ZNF728: variants seen among roughly 807,000 people sequenced by gnomAD.
The protein encoded by ZNF728 is zinc finger protein 728.
Under a neutral mutation model 12.5 loss-of-function variants are expected in ZNF728, and 12 were observed. That is an observed-to-expected ratio of 0.96 (90% CI 0.61 to 1.55). ZNF728 has a LOEUF of 1.55. Among genes scored for constraint, ZNF728 ranks in the 40% most tolerant of loss-of-function variants. The probability of loss-of-function intolerance (pLI) is 0.00; values close to 1 mark genes in which losing one functional copy is unlikely to be tolerated. For missense variants in ZNF728, 692 were observed against 719.2 expected (o/e 0.96, Z 0.43); for synonymous variants, 205 against 240.7 (o/e 0.85, Z 1.37).
At chr19:23,000,470 A>C (rs779750811) in intron 1 of ZNF728, among the ~76,000 whole-genome samples, 1 of 152,094 alleles carries the variant, frequency 6.6e-6, no homozygotes, top group Middle Eastern at 3.2e-3. Flanking sequence ...TCAACAAATA[A>C]AATATACAGA....
At chr19:22,989,695 GA>G (rs1968963372) in intron 1 of ZNF728, among the ~76,000 whole-genome samples, 1 of 150,964 alleles carries the variant, frequency 6.6e-6, no homozygotes, top group Admixed American at 6.6e-5. Flanking sequence ...TAGTTTAATG[GA>G]AAGTTCAAGA....
chr19:22,977,204 G>C lies in ZNF728; in HGVS notation c.227-94C>G, dbSNP rs1968816381. 7 of 1,203,304 alleles carry C rather than the reference G, an allele frequency of 5.8e-6. No individual in the cohort carries two copies. The East Asian group carries it at 1.8e-4, about 31-fold the overall frequency. 74.5% of individuals were successfully genotyped at this position (1,203,304 alleles called of 1,614,324 possible). On this transcript the variant is annotated intron_variant, in intron 3 of 3. Transcript: ENST00000594710. ...AAAATTATTCAAACTACATAAGCAA[G>C]ATGACACTGCAGTATGACACAGGCC...
intron 1 of ZNF728, among the ~76,000 whole-genome samples, chr19:22,998,686 C>T (rs1405549255): frequency 6.6e-6 from 1 of 152,058 alleles, no homozygotes; most frequent in East Asian, 1.9e-4. Flanking sequence ...AATATACAAC[C>T]CCCAAAAAGT....
intron 1 of ZNF728, among the ~76,000 whole-genome samples, chr19:22,994,491 T>C (rs1969028151): frequency 6.6e-6 from 1 of 152,188 alleles, no homozygotes; most frequent in Admixed American, 6.5e-5. Context: ...GTGACATGCA[T>C]TACAGTCAAT....
chr19:22,993,814 G>A (rs2145349912), intron 1 of ZNF728, among the ~76,000 whole-genome samples: 1 of 152,250 alleles, frequency 6.6e-6, no homozygotes, highest in Non-Finnish European at 1.5e-5. Context: ...CTGAAAAAAA[G>A]GGAGAAAAAC....
intron 3 of ZNF728, among the ~76,000 whole-genome samples, chr19:22,984,796 G>C (rs1391299111): frequency 1.3e-5 from 2 of 151,782 alleles, no homozygotes; most frequent in Admixed American, 6.6e-5. Flanking sequence ...AAAGTATATA[G>C]AATTTCAAAA....
chr19:22,982,772 T>C (rs1968874319), intron 3 of ZNF728, among the ~76,000 whole-genome samples: 2 of 152,196 alleles, frequency 1.3e-5, no homozygotes, highest in Non-Finnish European at 2.9e-5. Context: ...AACGATTCCC[T>C]ATTTAATAAA....
chr19:22,977,096 A>C lies in ZNF728; in HGVS notation c.241T>G (p.Phe81Val). The C allele has an allele frequency of 1.3e-6, 2 of 1,574,016 alleles. No homozygotes were observed. Among genetic ancestry groups the C allele is most frequent in the Non-Finnish European group, 1.7e-6 (2 of 1,164,688 alleles). The change falls in exon 4 of 4, where the codon TTT (phenylalanine) becomes GTT (valine). Residue 81 changes from phenylalanine (F) to valine (V), a missense_variant. Phe to Val is a conservative substitution (Grantham distance 50). Coordinates refer to ENST00000594710, the MANE Select transcript of ZNF728 (RefSeq NM_001267716.2). ...VKEPPVICSHFAQDLWPEQGR... is the reference protein window; with the variant it reads ...VKEPPVICSHVAQDLWPEQGR... ...TGCTCTGGCCAAAGGTCTTGAGCAAAATGAGAACATATAACTGAAAAGAAA... is the reference window on the plus strand; with the variant it reads ...TGCTCTGGCCAAAGGTCTTGAGCAACATGAGAACATATAACTGAAAAGAAA...
At chr19:22,986,356 G>A (rs113445377) in intron 3 of ZNF728, among the ~76,000 whole-genome samples, 3 of 151,956 alleles carry the variant, frequency 2.0e-5, no homozygotes, top group African/African-American at 7.2e-5. Context: ...ATCATGCAGT[G>A]TTCTCTATAA....
chr19:22,980,684 A>G (rs1320321254), intron 3 of ZNF728, among the ~76,000 whole-genome samples: 2 of 152,182 alleles, frequency 1.3e-5, no homozygotes, highest in East Asian at 3.8e-4. Flanking sequence ...AGTCTCTCAG[A>G]CCACAGTGCA....
intron 3 of ZNF728, among the ~76,000 whole-genome samples, chr19:22,981,598 T>A (rs1968861710): frequency 6.6e-6 from 1 of 152,078 alleles, no homozygotes; most frequent in African/African-American, 2.4e-5. Flanking sequence ...CAGTCCAATA[T>A]CCCTGATGAA....
At chr19:22,993,510 T>G (rs1969013630) in intron 1 of ZNF728, among the ~76,000 whole-genome samples, 1 of 152,224 alleles carries the variant, frequency 6.6e-6, no homozygotes, top group Non-Finnish European at 1.5e-5. Context: ...ACAGTTTATT[T>G]GGGTCAAGCT....
At chr19:23,002,586 C>A (rs1969124333) in intron 1 of ZNF728, among the ~76,000 whole-genome samples, 1 of 152,198 alleles carries the variant, frequency 6.6e-6, no homozygotes, top group Non-Finnish European at 1.5e-5. Context: ...TTTGGAATCA[C>A]TCTTTGGTTA....
At chr19:22,979,609 A>G (rs1968840416) in intron 3 of ZNF728, among the ~76,000 whole-genome samples, 1 of 133,550 alleles carries the variant, frequency 7.5e-6, no homozygotes, top group South Asian at 2.1e-4. Flanking sequence ...GAGGGCAGCC[A>G]GAGAGAAAGG....
rs1401966107 is a variant in ZNF728, at chr19:22,976,422, A to G, written c.915T>C (p.Ile305=). 9.9e-6 allele frequency: 16 copies of G among 1,612,906 alleles called. No homozygotes were observed. In the Admixed American group the frequency reaches 1.0e-4, roughly 10 times the overall value. Residue 305 remains isoleucine (I), a synonymous_variant, in exon 4 of 4, where the codon ATT becomes ATC. Transcript: ENST00000594710. ...ATTTGTAGGGTTTCTCTCCAGCATG[A>G]ATTGTCTTATGTGCAGTAAGGGTTG... is the stretch of plus-strand genomic sequence containing the variant. ...KASTLTAHKT[I]HAGEKPYKCE... is the part of the protein sequence containing the mutation.
intron 1 of ZNF728, among the ~76,000 whole-genome samples, chr19:22,997,518 A>G (rs1969061518): frequency 6.6e-6 from 1 of 152,178 alleles, no homozygotes; most frequent in Non-Finnish European, 1.5e-5. Flanking sequence ...GGCAGTGTTA[A>G]AAGAAAAATT....
rs1968799173 is a variant in ZNF728, at chr19:22,976,358, G to A, written c.979C>T (p.Leu327Phe). The change falls in exon 4 of 4, where the codon CTT becomes TTT. Residue 327 changes from leucine (L) to phenylalanine (F), a missense_variant. Coordinates refer to ENST00000594710, the MANE Select transcript of ZNF728 (RefSeq NM_001267716.2). ...CGKAFNRSSN[L>F]MEHKRIHTGE... ...GTATGAATTCTCTTATGTTCCATAA[G>A]GTTTGAGGACCGGTTGAAAGCTTTG... 1.2e-6 allele frequency: 2 copies of A among 1,612,844 alleles called. No homozygotes were observed. The highest frequency in any genetic ancestry group is 1.7e-5 in the Admixed American group (1 of 59,890).
At chr19:22,980,218 A>C (rs2145335088) in intron 3 of ZNF728, among the ~76,000 whole-genome samples, 1 of 143,690 alleles carries the variant, frequency 7.0e-6, no homozygotes, top group South Asian at 2.2e-4. Flanking sequence ...AAAAAAAAAC[A>C]GGGGTTGCAA....
At chr19:23,000,112 T>A (rs1969091629) in intron 1 of ZNF728, among the ~76,000 whole-genome samples, 1 of 152,198 alleles carries the variant, frequency 6.6e-6, no homozygotes, top group African/African-American at 2.4e-5. Flanking sequence ...CTTACGCCTG[T>A]AATCCCAGCA....
Sources: allele counts gnomAD v4.1 joint callset (sites outside exome capture counted in the v4.1 genomes callset), GRCh38; gene constraint gnomAD v4.1.1; transcripts MANE v1.5; gene names NCBI Gene and HGNC (gene_info 2026-07-23, HGNC 2026-07-21).